COA1: variants seen among roughly 807,000 people sequenced by gnomAD.
COA1 encodes the protein cytochrome c oxidase assembly factor 1 homolog.
Under a neutral mutation model 16.0 loss-of-function variants are expected in COA1, and 13 were observed. That is an observed-to-expected ratio of 0.81 (90% confidence interval 0.53 to 1.29). The LOEUF (loss-of-function observed/expected upper bound fraction) is 1.29, where lower values mean the gene tolerates loss of function less well. Ranked by LOEUF, COA1 falls within the 50% of genes most tolerant of loss-of-function variation. The pLI is 0.00. For synonymous variants in COA1, 65 were observed against 65.7 expected (o/e 0.99, Z 0.05); for missense variants, 179 against 177.0 (o/e 1.01, Z -0.06).
chr7:43,711,233 C>T (rs2095237256), intron 1 of COA1, among the ~76,000 whole-genome samples: 1 of 151,722 alleles, frequency 6.6e-6, no homozygotes, highest in Non-Finnish European at 1.5e-5. Context: ...AATCAGAGAC[C>T]AACAATTTCC....
chr7:43,709,286 A>G (rs55969740), intron 1 of COA1, among the ~76,000 whole-genome samples: 2 of 152,040 alleles, frequency 1.3e-5, no homozygotes, highest in Non-Finnish European at 2.9e-5. Context: ...TCGGCCTCCC[A>G]AAGTGCTGGG....
intron 6 of COA1, among the ~76,000 whole-genome samples, chr7:43,630,083 A>G (rs2153037538): frequency 1.3e-5 from 2 of 152,238 alleles, no homozygotes; most frequent in South Asian, 4.1e-4. Flanking sequence ...ATGCCTTCAC[A>G]CTACACCGCG....
intron 4 of COA1, among the ~76,000 whole-genome samples, chr7:43,642,827 A>G (rs913608641): frequency 3.3e-5 from 5 of 152,228 alleles, no homozygotes; most frequent in African/African-American, 9.7e-5. Context: ...ATGTATGACA[A>G]TTACTTCATG....
chr7:43,662,014 A>G (rs1251047534), intron 1 of COA1, among the ~76,000 whole-genome samples: 1 of 152,218 alleles, frequency 6.6e-6, no homozygotes, highest in Non-Finnish European at 1.5e-5. Flanking sequence ...CATGCAAGAG[A>G]AATTAATTTT....
chr7:43,673,019 A>C (rs1052089774), intron 1 of COA1, among the ~76,000 whole-genome samples: 7 of 152,240 alleles, frequency 4.6e-5, no homozygotes, highest in African/African-American at 1.7e-4. Context: ...AATCAACTCA[A>C]GATGGACTAA....
chr7:43,653,513 A>G (rs1419561438), intron 1 of COA1, among the ~76,000 whole-genome samples: 1 of 152,318 alleles, frequency 6.6e-6, no homozygotes, highest in East Asian at 1.9e-4. Flanking sequence ...AAAATTAAGT[A>G]TACAAATGTT....
chr7:43,631,251 A>C (rs1032315628), intron 6 of COA1: 3 of 152,208 alleles, frequency 2.0e-5, no homozygotes, highest in African/African-American at 7.2e-5. Flanking sequence ...GTTTTGAGGC[A>C]GTCTTGCTCT....
chr7:43,644,755 T>C (rs191802112), intron 4 of COA1, among the ~76,000 whole-genome samples: 17,171 of 113,692 alleles, frequency 0.15, 1,670 homozygotes, highest in Non-Finnish European at 0.21. Context: ...GATAGATAGA[T>C]AGATAGGCAG....
intron 6 of COA1, chr7:43,624,641 T>C: frequency 6.2e-7 from 1 of 1,614,130 alleles, no homozygotes; most frequent in Non-Finnish European, 8.5e-7. Context: ...AAGGTCATTC[T>C]GTGCCTGAAA....
intron 6 of COA1, among the ~76,000 whole-genome samples, chr7:43,619,975 G>A (rs2083711182): frequency 1.3e-5 from 2 of 152,218 alleles, no homozygotes; most frequent in Non-Finnish European, 1.5e-5. Context: ...AAAAGGAATA[G>A]GAGAGGATTT....
intron 4 of COA1, 57 bp from the exon 5 acceptor site, chr7:43,640,706 A>G (rs2086835519): frequency 1.6e-6 from 2 of 1,255,072 alleles, no homozygotes; most frequent in Admixed American, 4.3e-5. Context: ...TTGTCATTTC[A>G]GAAGATGACA....
At chr7:43,621,676 T>C (rs980354367) in intron 6 of COA1, among the ~76,000 whole-genome samples, 1 of 152,178 alleles carries the variant, frequency 6.6e-6, no homozygotes, top group African/African-American at 2.4e-5. Flanking sequence ...CTCACTGTGT[T>C]GCCCAGGCTA....
chr7:43,681,359 C>T (rs1478823830), intron 1 of COA1, among the ~76,000 whole-genome samples: 1 of 152,146 alleles, frequency 6.6e-6, no homozygotes, highest in Non-Finnish European at 1.5e-5. Flanking sequence ...GTTTTGGTTT[C>T]CTAGAGGTCA....
chr7:43,657,069 AAC>A (rs1491433339), intron 1 of COA1: 2 of 152,212 alleles, frequency 1.3e-5, no homozygotes, highest in Non-Finnish European at 2.9e-5. Flanking sequence ...AATTAAAAAA[AAC>A]AGTCAAGAAC....
chr7:43,615,378 T>C (rs2083250955), intron 6 of COA1, among the ~76,000 whole-genome samples: 1 of 152,066 alleles, frequency 6.6e-6, no homozygotes, highest in Non-Finnish European at 1.5e-5. Context: ...GTTTTCATCA[T>C]GTTGCCCAGG....
chr7:43,648,567 AGT>A, intron 2 of COA1, 31 bp downstream of exon 2: 1 of 1,612,036 alleles, frequency 6.2e-7, no homozygotes, highest in East Asian at 2.2e-5. Flanking sequence ...GGCAGGTTCT[AGT>A]GGGGAACTTG....
intron 1 of COA1, among the ~76,000 whole-genome samples, chr7:43,685,238 A>G (rs2093968312): frequency 6.6e-6 from 1 of 152,140 alleles, no homozygotes; most frequent in South Asian, 2.1e-4. Context: ...CAGTAGTGGC[A>G]AATTCCATCA....
chr7:43,645,980 A>C (rs1271374890), intron 3 of COA1: 1 of 153,432 alleles, frequency 6.5e-6, no homozygotes, highest in African/African-American at 2.4e-5. Flanking sequence ...AACTGCTCTC[A>C]GTCTCAGGAA....
intron 1 of COA1, among the ~76,000 whole-genome samples, chr7:43,701,600 C>A (rs893662852): frequency 1.3e-5 from 2 of 152,164 alleles, no homozygotes; most frequent in African/African-American, 2.4e-5. Flanking sequence ...CTTGGTAGAA[C>A]AATTTACATT....
Sources: allele counts gnomAD v4.1 joint callset (sites outside exome capture counted in the v4.1 genomes callset), GRCh38; gene constraint gnomAD v4.1.1; transcripts MANE v1.5; gene names NCBI Gene and HGNC (gene_info 2026-07-23, HGNC 2026-07-21).